The following HMGCLL1 variants were observed in gnomAD, a reference collection of about 807,000 sequenced individuals.
The protein encoded by HMGCLL1 is 3-hydroxymethyl-3-methylglutaryl-CoA lyase, cytoplasmic.
HMGCLL1 carries 36 observed loss-of-function variants against 39.1 expected under a neutral mutation model. That is an observed-to-expected ratio of 0.92 (90% CI 0.71 to 1.22). The LOEUF (loss-of-function observed/expected upper bound fraction) is 1.22. Among genes scored for constraint, HMGCLL1 ranks in the 50% most tolerant of loss-of-function variants. HMGCLL1 has a pLI of 0.00. For missense variants in HMGCLL1, 451 were observed against 416.5 expected (o/e 1.08, Z -0.72); for synonymous variants, 149 against 144.0 (o/e 1.03, Z -0.25).
chr6:55,567,483 G>A (rs1771274182), intron 1 of HMGCLL1, among the ~76,000 whole-genome samples: 1 of 152,050 alleles, frequency 6.6e-6, no homozygotes, highest in Non-Finnish European at 1.5e-5. Flanking sequence ...GAACAGGAAT[G>A]CCTTCTCTCT....
At chr6:55,478,165 A>G (rs572322512) in intron 7 of HMGCLL1, among the ~76,000 whole-genome samples, 2 of 150,740 alleles carry the variant, frequency 1.3e-5, no homozygotes, top group African/African-American at 2.5e-5. Context: ...ATGTTGGCAT[A>G]ACCTTTTTAC....
intron 1 of HMGCLL1, among the ~76,000 whole-genome samples, chr6:55,556,930 C>G (rs577474104): frequency 2.6e-5 from 4 of 152,266 alleles, no homozygotes; most frequent in African/African-American, 9.6e-5. Flanking sequence ...AGTCAGAATA[C>G]TTACGAGAGG....
the HMGCLL1 span, among the ~76,000 whole-genome samples, chr6:55,607,454 C>T: frequency 6.6e-6 from 1 of 152,118 alleles, no homozygotes; most frequent in Non-Finnish European, 1.5e-5. Flanking sequence ...GCTGCACTAG[C>T]TTCTGGGGAT....
At chr6:55,640,086 A>G in the HMGCLL1 span, among the ~76,000 whole-genome samples, 1 of 152,118 alleles carries the variant, frequency 6.6e-6, no homozygotes, top group Non-Finnish European at 1.5e-5. Flanking sequence ...CTCAAAAAGA[A>G]AGAAGGAAAG....
At chr6:55,493,424 A>G (rs569910612) in intron 7 of HMGCLL1, among the ~76,000 whole-genome samples, 96 of 152,252 alleles carry the variant, frequency 6.3e-4, no homozygotes, top group Non-Finnish European at 9.7e-4. Flanking sequence ...CTTCGGCCCA[A>G]CGTTGTTTCC....
In HMGCLL1 at chr6:55,509,532, T is replaced by G. The variant is rs1008423278; in HGVS notation, c.542+4516A>C. On this transcript the variant is annotated intron_variant, in intron 5 of 8. Coordinates refer to ENST00000274901, the MANE Select transcript of HMGCLL1 (RefSeq NM_001042406.2). ...AACGTGACCTAGGTGGTTTGGCTAATTCAGCAAGTAGGTTGCAAGTTTTTG... is the reference window on the plus strand; with the variant it reads ...AACGTGACCTAGGTGGTTTGGCTAAGTCAGCAAGTAGGTTGCAAGTTTTTG... 7.9e-5 allele frequency among the ~76,000 whole-genome samples: 12 copies of G among 151,884 alleles called. No individual in the cohort carries two copies. In the Admixed American group the frequency reaches 7.9e-4, roughly 10 times the overall value.
intron 1 of HMGCLL1, among the ~76,000 whole-genome samples, chr6:55,546,972 G>A (rs1401984833): frequency 6.6e-6 from 1 of 151,990 alleles, no homozygotes; most frequent in African/African-American, 2.4e-5. Context: ...AACAATAAAA[G>A]AAATACTATC....
At chr6:55,541,116 A>G (rs756942539) in intron 3 of HMGCLL1, among the ~76,000 whole-genome samples, 3 of 152,146 alleles carry the variant, frequency 2.0e-5, no homozygotes, top group Non-Finnish European at 2.9e-5. Context: ...GTTGCTAATT[A>G]CTAGTGATGT....
chr6:55,524,364 G>A (rs1350351693), intron 3 of HMGCLL1, among the ~76,000 whole-genome samples: 2 of 148,380 alleles, frequency 1.3e-5, no homozygotes, highest in Non-Finnish European at 3.0e-5. Flanking sequence ...TGTAATATGT[G>A]TTAACTTTTA....
the HMGCLL1 span, among the ~76,000 whole-genome samples, chr6:55,670,005 A>G: frequency 6.6e-6 from 1 of 151,862 alleles, no homozygotes; most frequent in African/African-American, 2.4e-5. Flanking sequence ...AAGTTAAATT[A>G]CAAATAGAAT....
At chr6:55,602,695 A>G in the HMGCLL1 span, among the ~76,000 whole-genome samples, 1 of 152,030 alleles carries the variant, frequency 6.6e-6, no homozygotes, top group Admixed American at 6.6e-5. Flanking sequence ...AAAATTGACC[A>G]AGCAGATACT....
chr6:55,609,940 G>C, the HMGCLL1 span, among the ~76,000 whole-genome samples: 2 of 152,106 alleles, frequency 1.3e-5, no homozygotes, highest in Non-Finnish European at 2.9e-5. Flanking sequence ...CTACAGAAGA[G>C]AGACCTGACT....
intron 1 of HMGCLL1, among the ~76,000 whole-genome samples, chr6:55,548,531 G>C (rs1770121362): frequency 2.0e-5 from 3 of 151,938 alleles, no homozygotes; most frequent in Admixed American, 2.0e-4. Flanking sequence ...AGATGGACAA[G>C]GTAAGATCAT....
the HMGCLL1 span, among the ~76,000 whole-genome samples, chr6:55,645,249 T>C: frequency 6.6e-6 from 1 of 151,992 alleles, no homozygotes; most frequent in Non-Finnish European, 1.5e-5. Flanking sequence ...TGTTGACTTG[T>C]TATCCTGAAA....
At chr6:55,463,236 T>C (rs1000435155) in intron 7 of HMGCLL1, among the ~76,000 whole-genome samples, 1 of 151,926 alleles carries the variant, frequency 6.6e-6, no homozygotes, top group African/African-American at 2.4e-5. Flanking sequence ...TTCACTATGT[T>C]GGCCAGGCTG....
At chr6:55,650,106 T>TATATATATATATATACACACACATATAC in the HMGCLL1 span, among the ~76,000 whole-genome samples, 1 of 71,170 alleles carries the variant, frequency 1.4e-5, no homozygotes, top group East Asian at 9.2e-4. Context: ...TATATATATA[T>TATATATATATATATACACACACATATAC]ATATATATAT....
chr6:55,677,578 G>A, the HMGCLL1 span, among the ~76,000 whole-genome samples: 6,747 of 152,204 alleles, frequency 0.044, 185 homozygotes, highest in Non-Finnish European at 0.055. Flanking sequence ...TTGGTTTGGG[G>A]ATTGCACTAA....
intron 7 of HMGCLL1, among the ~76,000 whole-genome samples, chr6:55,455,358 T>C (rs1764278442): frequency 6.9e-6 from 1 of 144,750 alleles, no homozygotes; most frequent in Admixed American, 7.0e-5. Flanking sequence ...TGTGAATATA[T>C]AAAATAATTT....
intron 7 of HMGCLL1, among the ~76,000 whole-genome samples, chr6:55,459,590 T>A (rs1055494410): frequency 6.6e-6 from 1 of 152,130 alleles, no homozygotes; most frequent in Non-Finnish European, 1.5e-5. Context: ...TAGCACAATT[T>A]GGTACAAGTC....
Sources: gnomAD v4.1 joint callset for allele counts (sites outside exome capture counted in the v4.1 genomes callset) on GRCh38, gnomAD v4.1.1 for gene constraint, MANE v1.5 for transcripts, NCBI Gene and HGNC (gene_info 2026-07-23, HGNC 2026-07-21) for gene names.